The following FYB2 variants were observed in gnomAD, a reference collection of about 807,000 sequenced individuals.
FYB2 encodes the protein FYN-binding protein 2.
Under a neutral mutation model 94.1 loss-of-function variants are expected in FYB2, and 103 were observed. The ratio of observed to expected loss-of-function variants is 1.09; its 90% confidence interval spans 0.93 to 1.29. FYB2 has a LOEUF of 1.29. FYB2 is among the 50% of genes most tolerant of loss of function. The pLI is 0.00. For synonymous variants in FYB2, 293 were observed against 287.9 expected, an observed-to-expected ratio of 1.02 and a Z score of -0.18; for missense variants, 896 against 841.5, an observed-to-expected ratio of 1.06 and a Z score of -0.80.
chr1:56,791,957 C>T (rs1646276206), intron 2 of FYB2, 99 bp downstream of exon 2: 1 of 1,440,110 alleles, frequency 6.9e-7, no homozygotes, highest in East Asian at 2.4e-5. Context: ...CCACATTTCC[C>T]AGGTCATATA....
chr1:56,805,440 TGTGTATGTTGTC>T (rs1270037785), intron 1 of FYB2, among the ~76,000 whole-genome samples: 1 of 152,176 alleles, frequency 6.6e-6, no homozygotes, highest in Non-Finnish European at 1.5e-5. Flanking sequence ...CATAGCAGCT[TGTGTATGTTGTC>T]GTGTATGTTG....
intron 9 of FYB2, among the ~76,000 whole-genome samples, chr1:56,744,701 G>A (rs984146787): frequency 6.6e-6 from 1 of 151,864 alleles, no homozygotes; most frequent in Non-Finnish European, 1.5e-5. Context: ...CAGACAAGTC[G>A]ATTGAGCACA....
intron 5 of FYB2, among the ~76,000 whole-genome samples, 180 bp from the exon 6 acceptor site, chr1:56,758,930 T>C (rs1645422986): frequency 6.6e-6 from 1 of 152,164 alleles, no homozygotes; most frequent in Non-Finnish European, 1.5e-5. Flanking sequence ...ATCATGGTTT[T>C]AATTTCTGTG....
chr1:56,825,772 C>T, the FYB2 span, among the ~76,000 whole-genome samples: 1 of 152,178 alleles, frequency 6.6e-6, no homozygotes, highest in African/African-American at 2.4e-5. Flanking sequence ...TTGGGCTAGG[C>T]TTTGTTCTAT....
At chr1:56,777,279 A>AAAAAAAT (rs1645902163) in intron 4 of FYB2, among the ~76,000 whole-genome samples, 1 of 148,942 alleles carries the variant, frequency 6.7e-6, no homozygotes, top group Non-Finnish European at 1.5e-5. Context: ...AAAAAAGAAA[A>AAAAAAAT]TAGAAGGCCC....
intron 4 of FYB2, among the ~76,000 whole-genome samples, chr1:56,783,443 T>C (rs532225494): frequency 2.0e-5 from 3 of 152,322 alleles, no homozygotes; most frequent in South Asian, 2.1e-4. Context: ...GATTAAAATA[T>C]GTATATATAG....
chr1:56,725,653 A>G (rs1294242296), intron 16 of FYB2, among the ~76,000 whole-genome samples: 1 of 152,062 alleles, frequency 6.6e-6, no homozygotes, highest in Non-Finnish European at 1.5e-5. Context: ...CTGTTAATAC[A>G]TCTTTCCAGC....
the FYB2 span, chr1:56,824,856 C>T: frequency 6.6e-6 from 1 of 152,272 alleles, no homozygotes; most frequent in South Asian, 2.1e-4. Context: ...ACTACCATGG[C>T]CCCATGTGAC....
intron 5 of FYB2, among the ~76,000 whole-genome samples, chr1:56,760,078 C>CAA (rs35665176): frequency 0.45 from 50,039 of 111,110 alleles, 10,352 homozygotes; most frequent in East Asian, 0.59. Flanking sequence ...GACTCCATCA[C>CAA]AAAAAAAAAA....
At position 56,751,164 on chromosome 1, in the gene FYB2, T is replaced by G; in HGVS notation, c.1267A>C (p.Thr423Pro). ...CEGTPEKIQM[T>P]NVHTGRRNML... Reference sequence around the variant, plus strand: ...TTCCTTCTACCTGTGTGGACGTTGGTCATCTGAATTTTTTCAGGTGTCCCT... The same window carrying G: ...TTCCTTCTACCTGTGTGGACGTTGGGCATCTGAATTTTTTCAGGTGTCCCT... Residue 423 changes from threonine to proline, a missense_variant, in exon 9 of 20, where the codon ACC becomes CCC. Coordinates refer to ENST00000343433, the MANE Select transcript of FYB2 (RefSeq NM_001004303.5). The G allele has an allele frequency of 9.9e-6, 16 of 1,612,660 alleles. No individual in the cohort carries two copies. Among genetic ancestry groups the G allele is most frequent in the Non-Finnish European group, 1.4e-5 (16 of 1,179,144 alleles).
chr1:56,756,585 A>T (rs1021717785), intron 6 of FYB2, among the ~76,000 whole-genome samples: 8 of 152,164 alleles, frequency 5.3e-5, no homozygotes, highest in African/African-American at 1.9e-4. Flanking sequence ...CCTGGAAACC[A>T]TTATTCAGAG....
chr1:56,785,632 TTCCTGTTTACC>T (rs1318013695), intron 4 of FYB2, among the ~76,000 whole-genome samples: 2 of 152,166 alleles, frequency 1.3e-5, no homozygotes, highest in Non-Finnish European at 1.5e-5. Flanking sequence ...TGTGATGTGG[TTCCTGTTTACC>T]TCTATAATCC....
At chr1:56,768,243 A>G (rs754077715) in intron 4 of FYB2, among the ~76,000 whole-genome samples, 4 of 152,252 alleles carry the variant, frequency 2.6e-5, no homozygotes, top group Admixed American at 1.3e-4. Context: ...GTCAAGGAAC[A>G]CAAAGGGAAA....
intron 15 of FYB2, among the ~76,000 whole-genome samples, chr1:56,726,985 A>G (rs1324005168): frequency 2.0e-5 from 3 of 151,976 alleles, no homozygotes; most frequent in Non-Finnish European, 4.4e-5. Flanking sequence ...GAACAATGTA[A>G]CTGAACTCCA....
rs545380847 is a variant in FYB2, at chr1:56,809,298, T to C, written c.9+9984A>G. ...TAGACATGTGAAAATGCACTGTAAA[T>C]TGTAAAACATAATACAAGTATATTA... On this transcript the variant is annotated intron_variant, in intron 1 of 19. Transcript: ENST00000343433. Among the ~76,000 whole-genome samples, 5 of 152,366 alleles carry C rather than the reference T, an allele frequency of 3.3e-5. No individual in the cohort carries two copies. The South Asian group carries it at 1.0e-3, about 32-fold the overall frequency.
upstream of FYB2, chr1:56,819,551 A>G: frequency 1.7e-6 from 1 of 580,674 alleles, no homozygotes; most frequent in Non-Finnish European, 3.1e-6. Context: ...CTCCACCTGC[A>G]GTCCTGCCAA....
At chr1:56,805,807 C>T (rs1023809552) in intron 1 of FYB2, among the ~76,000 whole-genome samples, 4 of 152,132 alleles carry the variant, frequency 2.6e-5, no homozygotes, top group Non-Finnish European at 5.9e-5. Context: ...TCTCTCTTTG[C>T]CTGCTGCCAT....
chr1:56,792,900 G>T (rs1251745956), intron 1 of FYB2, 97 bp from the exon 2 acceptor site: 1 of 1,297,986 alleles, frequency 7.7e-7, no homozygotes, highest in East Asian at 2.3e-5. Flanking sequence ...AAAAAAGTCA[G>T]TGTGATTAGA....
At chr1:56,802,048 T>C (rs986901134) in intron 1 of FYB2, among the ~76,000 whole-genome samples, 5 of 152,174 alleles carry the variant, frequency 3.3e-5, no homozygotes. Flanking sequence ...TTTTATTCCA[T>C]AGGCAATGGG....
Sources: gnomAD v4.1 joint callset for allele counts (sites outside exome capture counted in the v4.1 genomes callset) on GRCh38, gnomAD v4.1.1 for gene constraint, MANE v1.5 for transcripts, NCBI Gene and HGNC (gene_info 2026-07-23, HGNC 2026-07-21) for gene names.